SHISA6: variants seen among roughly 807,000 people sequenced by gnomAD.
The protein encoded by SHISA6 is protein shisa-6.
Under a neutral mutation model 47.9 loss-of-function variants are expected in SHISA6, and 22 were observed. That is an observed-to-expected ratio of 0.46 (90% CI 0.33 to 0.66). The LOEUF (loss-of-function observed/expected upper bound fraction) is 0.66, where lower values mean the gene tolerates loss of function less well. Ranked by LOEUF, SHISA6 falls within the 30% of genes least tolerant of loss-of-function variation. The pLI, the probability that SHISA6 is intolerant of heterozygous loss-of-function variation, is 0.02. For missense variants in SHISA6, 680 were observed against 764.6 expected (o/e 0.89, Z 1.30); for synonymous variants, 388 against 337.8 (o/e 1.15, Z -1.63).
intron 3 of SHISA6, among the ~76,000 whole-genome samples, chr17:11,458,565 C>A (rs1198369917): frequency 1.3e-5 from 2 of 152,096 alleles, no homozygotes; most frequent in African/African-American, 2.4e-5. Context: ...CTGGAGGAGA[C>A]CAAACTATGG....
intron 3 of SHISA6, among the ~76,000 whole-genome samples, chr17:11,415,280 A>T (rs1435905792): frequency 7.2e-5 from 11 of 152,216 alleles, no homozygotes; most frequent in African/African-American, 2.2e-4. Flanking sequence ...TGAGGCACAG[A>T]TAATTGAAGT....
intron 2 of SHISA6, among the ~76,000 whole-genome samples, chr17:11,287,842 G>T (rs1416303531): frequency 1.3e-5 from 2 of 151,970 alleles, no homozygotes; most frequent in African/African-American, 4.8e-5. Flanking sequence ...AAACATAAAA[G>T]AACATAAAAA....
chr17:11,433,320 A>G (rs1361494119), intron 3 of SHISA6, among the ~76,000 whole-genome samples: 1 of 152,138 alleles, frequency 6.6e-6, no homozygotes, highest in Non-Finnish European at 1.5e-5. Flanking sequence ...CTTATGAGTG[A>G]GGACATGCAG....
chr17:11,472,798 A>G (rs1915964175), intron 3 of SHISA6, among the ~76,000 whole-genome samples: 1 of 152,196 alleles, frequency 6.6e-6, no homozygotes, highest in African/African-American at 2.4e-5. Context: ...CCAGCAATGA[A>G]TGAGAGCTTC....
At chr17:11,449,304 G>A (rs1469256834) in intron 3 of SHISA6, among the ~76,000 whole-genome samples, 6 of 152,066 alleles carry the variant, frequency 3.9e-5, no homozygotes, top group East Asian at 1.9e-4. Context: ...TTAGCTGGGC[G>A]TGGTAGCATG....
At chr17:11,281,985 T>A (rs1468377894) in intron 2 of SHISA6, among the ~76,000 whole-genome samples, 1 of 152,170 alleles carries the variant, frequency 6.6e-6, no homozygotes, top group Admixed American at 6.5e-5. Flanking sequence ...GCATAAAAGT[T>A]TTTTTTTCTC....
At chr17:11,293,458 G>C (rs547416997) in intron 2 of SHISA6, among the ~76,000 whole-genome samples, 1 of 152,302 alleles carries the variant, frequency 6.6e-6, no homozygotes, top group East Asian at 1.9e-4. Context: ...TGAGAGAACA[G>C]GCTTTGGGAG....
chr17:11,482,879 T>G (rs1171663519), intron 3 of SHISA6, among the ~76,000 whole-genome samples: 1 of 152,130 alleles, frequency 6.6e-6, no homozygotes, highest in Non-Finnish European at 1.5e-5. Flanking sequence ...ATAGGTTTTA[T>G]AATATTTTGA....
intron 1 of SHISA6, among the ~76,000 whole-genome samples, chr17:11,255,573 A>G (rs1455055538): frequency 6.6e-6 from 1 of 152,190 alleles, no homozygotes; most frequent in Non-Finnish European, 1.5e-5. Context: ...ACCTGACGGG[A>G]AGGAACAGGC....
chr17:11,435,386 T>G (rs1914908858), intron 3 of SHISA6, among the ~76,000 whole-genome samples: 1 of 152,096 alleles, frequency 6.6e-6, no homozygotes. Flanking sequence ...CTATGAAATT[T>G]ACACAATTAT....
At chr17:11,260,954 C>A (rs1320903807) in intron 1 of SHISA6, among the ~76,000 whole-genome samples, 2 of 152,180 alleles carry the variant, frequency 1.3e-5, no homozygotes, top group Non-Finnish European at 2.9e-5. Context: ...GACCAATTTT[C>A]TTTCCTACGG....
intron 3 of SHISA6, among the ~76,000 whole-genome samples, chr17:11,481,708 G>A (rs1916228852): frequency 6.6e-6 from 1 of 151,864 alleles, no homozygotes; most frequent in South Asian, 2.1e-4. Flanking sequence ...GATCAGGCTG[G>A]TCTCGAACTC....
intron 1 of SHISA6, among the ~76,000 whole-genome samples, chr17:11,244,148 A>G (rs1273776288): frequency 6.6e-6 from 1 of 152,196 alleles, no homozygotes; most frequent in East Asian, 1.9e-4. Context: ...GAAGCAGAGT[A>G]ACCACGGGAA....
At chr17:11,333,033 T>C (rs923744028) in intron 2 of SHISA6, among the ~76,000 whole-genome samples, 1 of 152,034 alleles carries the variant, frequency 6.6e-6, no homozygotes, top group African/African-American at 2.4e-5. Context: ...TGCCAGGGGG[T>C]GACCTGCCTT....
chr17:11,269,248 G>C (rs1201307033), intron 2 of SHISA6, among the ~76,000 whole-genome samples: 1 of 152,064 alleles, frequency 6.6e-6, no homozygotes, highest in Non-Finnish European at 1.5e-5. Flanking sequence ...CACCATGTTG[G>C]CCAGGATGGT....
At chr17:11,339,387 G>A (rs1911445442) in intron 2 of SHISA6, among the ~76,000 whole-genome samples, 1 of 151,796 alleles carries the variant, frequency 6.6e-6, no homozygotes, top group Non-Finnish European at 1.5e-5. Context: ...GCTTTACTGT[G>A]GTTATTTCAA....
chr17:11,458,982 G>C (rs574081617), intron 3 of SHISA6, among the ~76,000 whole-genome samples: 2 of 152,112 alleles, frequency 1.3e-5, no homozygotes, highest in South Asian at 4.2e-4. Flanking sequence ...GAGGCAGGCG[G>C]ATCATGAGGT....
chr17:11,375,170 G>A (rs953015483), intron 2 of SHISA6, among the ~76,000 whole-genome samples: 3 of 151,908 alleles, frequency 2.0e-5, no homozygotes, highest in Non-Finnish European at 4.4e-5. Flanking sequence ...TCTTTTGATC[G>A]AAAGACTAAA....
intron 3 of SHISA6, 72 bp from the exon 4 acceptor site, chr17:11,551,824 G>A: frequency 7.7e-7 from 1 of 1,293,658 alleles, no homozygotes; most frequent in Non-Finnish European, 1.1e-6. Flanking sequence ...GGTAAAGAGA[G>A]ATGCTGTTAT....
Sources: allele counts gnomAD v4.1 joint callset (sites outside exome capture counted in the v4.1 genomes callset), GRCh38; gene constraint gnomAD v4.1.1; transcripts MANE v1.5; gene names NCBI Gene and HGNC (gene_info 2026-07-23, HGNC 2026-07-21).